The following DLG1 variants were observed in gnomAD, a reference collection of about 807,000 sequenced individuals.
DLG1 encodes the protein disks large homolog 1.
Under a neutral mutation model 123.4 loss-of-function variants are expected in DLG1, and 42 were observed. The ratio of observed to expected loss-of-function variants is 0.34; its 90% CI spans 0.27 to 0.44. The LOEUF is 0.44. Ranked by LOEUF, DLG1 falls within the 20% of genes least tolerant of loss-of-function variation. DLG1 has a pLI of 1.00. For missense variants in DLG1, 942 were observed against 1,082.6 expected, an observed-to-expected ratio of 0.87 and a Z score of 1.82; for synonymous variants, 317 against 356.2, an observed-to-expected ratio of 0.89 and a Z score of 1.24.
intron 5 of DLG1, among the ~76,000 whole-genome samples, chr3:197,168,110 T>C (rs1330857605): frequency 6.6e-6 from 1 of 152,238 alleles, no homozygotes; most frequent in East Asian, 1.9e-4. Flanking sequence ...TAATGTTACA[T>C]TTTAATCCCA....
chr3:197,297,928 G>A (rs932898291), intron 1 of DLG1: 7 of 983,892 alleles, frequency 7.1e-6, no homozygotes, highest in Admixed American at 6.2e-5. Flanking sequence ...AGCGGAGGGG[G>A]CGAAGGGACG....
chr3:197,233,377 GT>G (rs893061483), intron 4 of DLG1, among the ~76,000 whole-genome samples: 12 of 152,110 alleles, frequency 7.9e-5, no homozygotes, highest in African/African-American at 2.2e-4. Context: ...CTATTGGAAG[GT>G]TTTTTAAAAA....
chr3:197,079,773 A>G (rs1749691476), intron 17 of DLG1, among the ~76,000 whole-genome samples: 1 of 152,166 alleles, frequency 6.6e-6, no homozygotes, highest in Non-Finnish European at 1.5e-5. Flanking sequence ...TTTTTCTGAA[A>G]GCTACAATTT....
At position 197,060,009 on chromosome 3, in the gene DLG1, G is replaced by A. The variant is rs773051195; in HGVS notation, c.2374-11C>T. 19 of 1,593,632 alleles carry A rather than the reference G, an allele frequency of 1.2e-5. No homozygotes were observed. The highest frequency in any genetic ancestry group is 1.6e-5 in the Non-Finnish European group (19 of 1,169,204). On this transcript the variant is annotated splice_polypyrimidine_tract_variant and intron_variant, in intron 22 of 24. Transcript: ENST00000667157. The stretch of plus-strand genomic sequence containing the variant: ...GATACAGTGTTTGCCCTAAAATAAA[G>A]GGAACAAAGAAAAAAAACAAGTGAG...
intron 4 of DLG1, among the ~76,000 whole-genome samples, chr3:197,229,377 G>A (rs1181492392): frequency 6.7e-6 from 1 of 148,948 alleles, no homozygotes; most frequent in Non-Finnish European, 1.5e-5. Flanking sequence ...AAGATCACTT[G>A]AGCCCTTGAG....
chr3:197,214,954 A>C (rs913217766), intron 4 of DLG1, among the ~76,000 whole-genome samples: 5 of 152,184 alleles, frequency 3.3e-5, no homozygotes, highest in African/African-American at 1.2e-4. Flanking sequence ...AATAATACCT[A>C]GTTTTGATGA....
intron 15 of DLG1, among the ~76,000 whole-genome samples, chr3:197,087,631 G>C (rs537786228): frequency 3.3e-5 from 5 of 152,246 alleles, no homozygotes; most frequent in African/African-American, 1.2e-4. Flanking sequence ...AGACAACAGG[G>C]GAAGAGAGAT....
chr3:197,076,191 C>G lies in DLG1; in HGVS notation c.2005+395G>C, dbSNP rs189379560. On this transcript the variant is annotated intron_variant, in intron 18 of 24. Transcript: ENST00000667157. ...AGAAATAGGGTAAAATGTAATGATT[C>G]CAGAGAATCCAGTTATCAGACTCGC... 1.8e-3 allele frequency among the ~76,000 whole-genome samples: 273 copies of G among 152,178 alleles called. 1 individual carries two copies. The highest frequency in any genetic ancestry group is 5.9e-3 in the African/African-American group (247 of 41,522).
chr3:197,176,073 A>G (rs1399911692), intron 5 of DLG1, among the ~76,000 whole-genome samples: 1 of 152,182 alleles, frequency 6.6e-6, no homozygotes, highest in African/African-American at 2.4e-5. Context: ...TACAGAAGCT[A>G]CAAAGAAGAA....
At chr3:197,188,387 T>C (rs1717345129) in intron 5 of DLG1, among the ~76,000 whole-genome samples, 1 of 152,208 alleles carries the variant, frequency 6.6e-6, no homozygotes, top group African/African-American at 2.4e-5. Flanking sequence ...GTTAACTATC[T>C]TTCCGTAAAA....
intron 4 of DLG1, among the ~76,000 whole-genome samples, chr3:197,269,138 G>A (rs1043752170): frequency 6.6e-6 from 1 of 152,144 alleles, no homozygotes; most frequent in African/African-American, 2.4e-5. Flanking sequence ...AAGTACAGTA[G>A]ATAAACTAGT....
At chr3:197,136,489 A>G in intron 10 of DLG1, 53 bp downstream of exon 10, 1 of 1,503,376 alleles carries the variant, frequency 6.7e-7, no homozygotes, top group South Asian at 1.3e-5. Flanking sequence ...ATCTATCAGA[A>G]AAATAAACAG....
chr3:197,217,277 A>G (rs1162625733), intron 4 of DLG1, among the ~76,000 whole-genome samples: 1 of 152,240 alleles, frequency 6.6e-6, no homozygotes, highest in African/African-American at 2.4e-5. Context: ...ATACAAAAAT[A>G]AAGAATTAAA....
chr3:197,198,453 C>A (rs1272470181), intron 4 of DLG1, among the ~76,000 whole-genome samples: 1 of 143,004 alleles, frequency 7.0e-6, no homozygotes, highest in East Asian at 2.3e-4. Context: ...GGCCACTGTA[C>A]TCCAGCCTGG....
chr3:197,267,679 A>C (rs899801041), intron 4 of DLG1, among the ~76,000 whole-genome samples: 1 of 152,202 alleles, frequency 6.6e-6, no homozygotes. Flanking sequence ...CTACACAGGT[A>C]ATTCAGGCAC....
chr3:197,145,155 C>T (rs777903265), intron 6 of DLG1, among the ~76,000 whole-genome samples: 2 of 151,952 alleles, frequency 1.3e-5, no homozygotes, highest in Non-Finnish European at 2.9e-5. Flanking sequence ...ATCTAGAGTA[C>T]GGGAGGCTTA....
chr3:197,071,951 A>G (rs969663140), intron 18 of DLG1, among the ~76,000 whole-genome samples: 1 of 152,248 alleles, frequency 6.6e-6, no homozygotes, highest in Admixed American at 6.5e-5. Context: ...ACAGAAAGGC[A>G]TATATATGCT....
chr3:197,153,345 G>T lies in DLG1; in HGVS notation c.484-3549C>A, dbSNP rs535580472. Among the ~76,000 whole-genome samples the T allele has an allele frequency of 2.6e-5, 4 of 152,266 alleles. No homozygotes were observed. The East Asian group carries it at 7.7e-4, about 29-fold the overall frequency. On this transcript the variant is annotated intron_variant, in intron 5 of 24. Transcript: ENST00000667157. ...GTCTGATGTAGATGTTTTGGAACTT[G>T]GAGTCTACTGAAGGCTGGCAACTTC...
intron 5 of DLG1, among the ~76,000 whole-genome samples, chr3:197,188,628 A>T (rs1717473165): frequency 6.6e-6 from 1 of 152,202 alleles, no homozygotes; most frequent in Non-Finnish European, 1.5e-5. Flanking sequence ...TTTTCAAATT[A>T]TAAAATAATA....
Sources: allele counts gnomAD v4.1 joint callset (sites outside exome capture counted in the v4.1 genomes callset), GRCh38; gene constraint gnomAD v4.1.1; transcripts MANE v1.5; gene names NCBI Gene and HGNC (gene_info 2026-07-23, HGNC 2026-07-21).